The following RASGRF2 variants were observed in gnomAD, a reference collection of about 807,000 sequenced individuals.
RASGRF2 encodes ras-specific guanine nucleotide-releasing factor 2.
In RASGRF2, 76 loss-of-function variants were observed where a neutral mutation model predicts 151.0. The ratio of observed to expected loss-of-function variants is 0.50; its 90% CI spans 0.42 to 0.61. The LOEUF (loss-of-function observed/expected upper bound fraction) is 0.61, where lower values mean the gene tolerates loss of function less well. Among genes scored for constraint, RASGRF2 ranks in the 20% least tolerant of loss-of-function variants. RASGRF2 has a pLI of 0.00. For synonymous variants in RASGRF2, 504 were observed against 566.5 expected, an observed-to-expected ratio of 0.89 and a Z score of 1.57; for missense variants, 1,148 against 1,564.6, an observed-to-expected ratio of 0.73 and a Z score of 4.49.
chr5:81,064,564 G>A lies in RASGRF2; in HGVS notation c.396-3468G>A, dbSNP rs896447521. ...ACTATAGGGGCCTTTTGTGGTGAGA[G>A]GGGAGTCTGGTTTTCATGAGTGTCT... is the stretch of plus-strand genomic sequence containing the variant. On this transcript the variant is annotated intron_variant, in intron 2 of 26. Transcript: ENST00000265080. Among the ~76,000 whole-genome samples the A allele has an allele frequency of 2.6e-5, 4 of 152,178 alleles. 1 individual carries two copies. Among genetic ancestry groups the A allele is most frequent in the African/African-American group, 9.7e-5 (4 of 41,444 alleles).
intron 1 of RASGRF2, among the ~76,000 whole-genome samples, chr5:81,002,894 T>TG (rs1198684215): frequency 1.3e-5 from 2 of 151,982 alleles, no homozygotes; most frequent in African/African-American, 4.8e-5. Context: ...GAGCTGCTTA[T>TG]GGGGAAAAAA....
chr5:81,149,545 G>T (rs1342425031), intron 17 of RASGRF2, among the ~76,000 whole-genome samples: 3 of 151,758 alleles, frequency 2.0e-5, no homozygotes, highest in Non-Finnish European at 4.4e-5. Context: ...TTGGTGATGG[G>T]GGCACCAAAG....
rs34119 is a variant in RASGRF2, at chr5:81,127,383, C to T, written c.2686+220C>T. ...TAAAAAATTTTTAAAATTAGCTGGG[C>T]ATGGTGTTGCATGCCTGTAGTCCCA... On this transcript the variant is annotated intron_variant, in intron 17 of 26. Transcript: ENST00000265080. 0.091 allele frequency among the ~76,000 whole-genome samples: 13,852 copies of T among 152,044 alleles called. 862 individuals carry two copies. Among genetic ancestry groups the T allele is most frequent in the Non-Finnish European group, 0.14 (9,642 of 67,952 alleles).
intron 1 of RASGRF2, among the ~76,000 whole-genome samples, chr5:80,977,654 G>C (rs1366239788): frequency 6.6e-6 from 1 of 152,038 alleles, no homozygotes; most frequent in Admixed American, 6.6e-5. Context: ...ATGGGGTTTC[G>C]CCGTGTTGGT....
Position 81,005,367 on chromosome 5 carries a change from G to A in RASGRF2, c.289-37510G>A, listed in dbSNP as rs111944344. Among the ~76,000 whole-genome samples, 287 of 152,132 alleles carry A rather than the reference G, an allele frequency of 1.9e-3. 1 individual carries two copies. The highest frequency in any genetic ancestry group is 6.2e-3 in the African/African-American group (257 of 41,482). On this transcript the variant is annotated intron_variant, in intron 1 of 26. Transcript: ENST00000265080. Reference sequence around the variant, plus strand: ...GGGAAAAGCCCCTTATAAAACCGTCGGATCTCGTGAGAACGCACTCACTAT... The same window carrying A: ...GGGAAAAGCCCCTTATAAAACCGTCAGATCTCGTGAGAACGCACTCACTAT...
Position 81,212,578 on chromosome 5 carries a change from G to GT in RASGRF2, c.3354+16dup. On this transcript the variant is annotated intron_variant, in intron 23 of 26. Transcript: ENST00000265080. ...TCTCTAAGCAGGTGAGCCTCAGCGT[G>GT]TGACACAGCCTGCTGCTAAGAGGAG... The GT allele has an allele frequency of 6.3e-7, 1 of 1,595,568 alleles. No homozygotes were observed. The highest frequency in any genetic ancestry group is 2.2e-5 in the East Asian group (1 of 44,484).
chr5:81,086,947 C>T lies in RASGRF2; in HGVS notation c.1384C>T (p.Arg462Cys), dbSNP rs766478295. The change falls in exon 9 of 27, where the codon CGC (arginine) becomes TGC (cysteine). Residue 462 changes from arginine to cysteine, a missense_variant. Arg to Cys is a radical substitution (Grantham distance 180, BLOSUM62 -3). Around this residue, in one of 5 missense-constraint regions of RASGRF2, gnomAD observed 646 missense variants for 807.4 expected, o/e 0.80. Transcript: ENST00000265080. ...ILLDTSQTFI[R>C]QGSLIQVPSV... ...GCTGGACACCAGCCAAACGTTCATCCGCCAAGGTAAGTCCCTGTGAAATGG... is the reference window on the plus strand; with the variant it reads ...GCTGGACACCAGCCAAACGTTCATCTGCCAAGGTAAGTCCCTGTGAAATGG... 13 of 1,612,640 alleles carry T rather than the reference C, an allele frequency of 8.1e-6. No homozygotes were observed. Among genetic ancestry groups the T allele is most frequent in the Non-Finnish European group, 1.1e-5 (13 of 1,178,756 alleles).
intron 1 of RASGRF2, among the ~76,000 whole-genome samples, chr5:80,999,080 C>T (rs1748993984): frequency 6.6e-6 from 1 of 152,062 alleles, no homozygotes; most frequent in Non-Finnish European, 1.5e-5. Flanking sequence ...CCAAATTATC[C>T]TAATCTGAGG....
chr5:80,995,443 A>G (rs1053470381), intron 1 of RASGRF2, among the ~76,000 whole-genome samples: 2 of 151,178 alleles, frequency 1.3e-5, no homozygotes, highest in African/African-American at 2.4e-5. Flanking sequence ...TATGAGATAC[A>G]TGATATTCAT....
chr5:81,198,789 G>C (rs538353108), intron 18 of RASGRF2, among the ~76,000 whole-genome samples: 62 of 152,258 alleles, frequency 4.1e-4, no homozygotes, highest in Non-Finnish European at 7.5e-4. Flanking sequence ...TATGTATACC[G>C]CATTTTCTTT....
chr5:81,174,982 C>A (rs922439758), intron 17 of RASGRF2, among the ~76,000 whole-genome samples: 13 of 152,198 alleles, frequency 8.5e-5, no homozygotes, highest in African/African-American at 2.7e-4. Context: ...TACTAACTTG[C>A]AAGAGAAACT....
rs991478974 is a variant in RASGRF2, at chr5:80,997,842, G to T, written c.288+36816G>T. ...AAATTAGCCGGGCGTGGTGGCGGGC[G>T]CCTGTAGTCCCAGCTGCTCGGAAGG... On this transcript the variant is annotated intron_variant, in intron 1 of 26. Transcript: ENST00000265080. Among the ~76,000 whole-genome samples, 4 of 152,014 alleles carry T rather than the reference G, an allele frequency of 2.6e-5. No individual in the cohort carries two copies. In the South Asian group the frequency reaches 6.2e-4, roughly 24 times the overall value.
chr5:81,029,409 A>G (rs1164216487), intron 1 of RASGRF2, among the ~76,000 whole-genome samples: 1 of 152,230 alleles, frequency 6.6e-6, no homozygotes, highest in African/African-American at 2.4e-5. Context: ...GTAGGGGCTG[A>G]CTGACACCTC....
chr5:81,175,098 C>A (rs765009035), intron 17 of RASGRF2, among the ~76,000 whole-genome samples: 8 of 152,194 alleles, frequency 5.3e-5, no homozygotes, highest in Non-Finnish European at 1.2e-4. Flanking sequence ...CTTCTTAGTT[C>A]TGTGACCTTT....
chr5:81,078,483 T>C (rs199888166), intron 5 of RASGRF2, among the ~76,000 whole-genome samples: 1 of 152,166 alleles, frequency 6.6e-6, no homozygotes, highest in Non-Finnish European at 1.5e-5. Flanking sequence ...CAAATATGAG[T>C]GAGAACATGT....
rs546759283 is a variant in RASGRF2 at position 81,178,193 on chromosome 5, C to A, written c.2687-1982C>A. On this transcript the variant is annotated intron_variant, in intron 17 of 26. Transcript: ENST00000265080. The stretch of plus-strand genomic sequence containing the variant: ...GTAGACAGAGTTGCTGGTAGCTCAG[C>A]CCCAGTTTTGGTTTTGTAGATGGGA... Among the ~76,000 whole-genome samples the A allele has an allele frequency of 9.2e-5, 14 of 152,276 alleles. No homozygotes were observed. The South Asian group carries it at 2.9e-3, about 32-fold the overall frequency.
intron 17 of RASGRF2, among the ~76,000 whole-genome samples, chr5:81,131,106 A>T (rs1753605413): frequency 1.3e-5 from 2 of 152,208 alleles, no homozygotes; most frequent in African/African-American, 4.8e-5. Flanking sequence ...ATATTAAACC[A>T]TGTCTCTTTA....
chr5:81,046,062 G>A (rs1750825620), intron 2 of RASGRF2, among the ~76,000 whole-genome samples: 1 of 152,084 alleles, frequency 6.6e-6, no homozygotes. Context: ...CAATATTTAT[G>A]GTTTTATTGA....
chr5:81,003,216 G>A (rs517324), intron 1 of RASGRF2, among the ~76,000 whole-genome samples: 42,992 of 135,712 alleles, frequency 0.32, 7,271 homozygotes, highest in South Asian at 0.46. Flanking sequence ...CACCACACCT[G>A]GCTTTTTTTT....
Sources: gnomAD v4.1 joint callset for allele counts (sites outside exome capture counted in the v4.1 genomes callset) on GRCh38, gnomAD v4.1.1 for gene constraint, gnomAD v4.1.1 regional missense constraint, MANE v1.5 for transcripts, NCBI Gene and HGNC (gene_info 2026-07-23, HGNC 2026-07-21) for gene names.